LATS2: variants seen among roughly 807,000 people sequenced by gnomAD.
The protein encoded by LATS2 is large tumor suppressor kinase 2.
LATS2 carries 24 observed loss-of-function variants against 76.0 expected under a neutral mutation model. The observed-to-expected ratio is 0.32, with a 90% CI of 0.23 to 0.44. LATS2 has a LOEUF of 0.44. LATS2 is among the 20% of genes least tolerant of loss of function. The probability of loss-of-function intolerance (pLI) is 1.00; values close to 1 mark genes in which losing one functional copy is unlikely to be tolerated. For synonymous variants in LATS2, 692 were observed against 635.4 expected, an observed-to-expected ratio of 1.09 and a Z score of -1.34; for missense variants, 1,286 against 1,481.2, an observed-to-expected ratio of 0.87 and a Z score of 2.16.
rs923359839 is a variant in LATS2 at position 20,998,877 on chromosome 13, G to A, written c.343-7473C>T. On this transcript the variant is annotated intron_variant, in intron 2 of 7. Coordinates refer to ENST00000382592, the MANE Select transcript of LATS2 (RefSeq NM_014572.3). Reference sequence around the variant, plus strand: ...CCTGCGACATTGTCCACGACCTTGTGCACGCGGGGCGGGGGCCCTGGCGAC... The same window carrying A: ...CCTGCGACATTGTCCACGACCTTGTACACGCGGGGCGGGGGCCCTGGCGAC... Among the ~76,000 whole-genome samples the A allele has an allele frequency of 2.0e-5, 3 of 151,544 alleles. No individual in the cohort carries two copies. In the East Asian group the frequency reaches 5.8e-4, roughly 29 times the overall value.
chr13:21,008,454 A>G (rs375928401), intron 2 of LATS2, among the ~76,000 whole-genome samples: 4 of 152,128 alleles, frequency 2.6e-5, no homozygotes, highest in African/African-American at 9.7e-5. Flanking sequence ...TTCTCATAAT[A>G]ACGCTAAATG....
In LATS2 at chr13:20,975,344, C is replaced by T. The variant is rs55652534; in HGVS notation, c.2793G>A (p.Thr931=). ...TQLKVINWEN[T]LHIPAQVKLS... Reference sequence around the variant, plus strand: ...GCTTCACCTGGGCTGGAATGTGGAGCGTGTTCTCCCAGTTGATCACCTGAG... The same window carrying T: ...GCTTCACCTGGGCTGGAATGTGGAGTGTGTTCTCCCAGTTGATCACCTGAG... Residue 931 remains threonine, a synonymous_variant, in exon 8 of 8, where the codon ACG becomes ACA. Transcript: ENST00000382592. 478 of 1,569,098 alleles carry T rather than the reference C, an allele frequency of 3.0e-4. 5 individuals carry two copies. In the African/African-American group the frequency reaches 3.7e-3, roughly 12 times the overall value.
chr13:21,010,421 C>T (rs894822749), intron 2 of LATS2, among the ~76,000 whole-genome samples: 14 of 152,092 alleles, frequency 9.2e-5, no homozygotes, highest in African/African-American at 3.4e-4. Flanking sequence ...CCCCACTCTA[C>T]AGGCCCCACC....
At chr13:20,981,062 TGCACACG>T (rs1869850455) in intron 6 of LATS2, among the ~76,000 whole-genome samples, 1 of 152,330 alleles carries the variant, frequency 6.6e-6, no homozygotes, top group South Asian at 2.1e-4. Flanking sequence ...AGCACCCAGC[TGCACACG>T]GCACAACTCA....
Position 20,978,193 on chromosome 13 carries a change from G to C in LATS2, c.2772+1498C>G, listed in dbSNP as rs554343737. On this transcript the variant is annotated intron_variant, in intron 7 of 7. Transcript: ENST00000382592. The stretch of plus-strand genomic sequence containing the variant: ...GCCTCCCAAAGTGCTGGGATGACAG[G>C]CATGATCCACCACGCCCAACCTTAC... Among the ~76,000 whole-genome samples the C allele has an allele frequency of 1.2e-3, 189 of 152,200 alleles. 1 individual carries two copies. Among genetic ancestry groups the C allele is most frequent in the Non-Finnish European group, 2.2e-3 (152 of 68,010 alleles).
intron 2 of LATS2, among the ~76,000 whole-genome samples, chr13:21,029,290 G>A (rs1872429295): frequency 6.6e-6 from 1 of 152,108 alleles, no homozygotes; most frequent in Non-Finnish European, 1.5e-5. Context: ...AATGGCTGGT[G>A]GATTTTTCTG....
At chr13:21,051,250 G>C (rs1463208773) in intron 1 of LATS2, among the ~76,000 whole-genome samples, 2 of 152,198 alleles carry the variant, frequency 1.3e-5, no homozygotes, top group Non-Finnish European at 2.9e-5. Context: ...ACCCACACAA[G>C]GTGACCCTGT....
At chr13:21,060,689 G>A (rs1873609852) in intron 1 of LATS2, among the ~76,000 whole-genome samples, 1 of 151,626 alleles carries the variant, frequency 6.6e-6, no homozygotes. Context: ...GGGCTGAGGG[G>A]CGGCGCGGCC....
chr13:21,048,630 G>A (rs1443480425), intron 1 of LATS2, among the ~76,000 whole-genome samples: 3 of 151,990 alleles, frequency 2.0e-5, no homozygotes, highest in East Asian at 1.9e-4. Context: ...TCAGGAGTTC[G>A]AGACCAGCCT....
intron 1 of LATS2, among the ~76,000 whole-genome samples, chr13:21,054,506 G>A (rs1021502713): frequency 2.0e-4 from 30 of 152,150 alleles, no homozygotes; most frequent in Non-Finnish European, 3.7e-4. Context: ...AAGTCTCCAC[G>A]TGAAGTCCAA....
chr13:20,973,217 A>G lies in LATS2; in HGVS notation c.*1653T>C, dbSNP rs184788550. 20 of 232,698 alleles carry G rather than the reference A, an allele frequency of 8.6e-5. No homozygotes were observed. The highest frequency in any genetic ancestry group is 1.3e-3 in the Middle Eastern group (1 of 780). The allele number at this position is 232,698 out of a possible 1,614,324, so 14.4% of individuals were successfully genotyped here. On this transcript the variant is annotated 3_prime_UTR_variant, in exon 8 of 8. Coordinates refer to ENST00000382592, the MANE Select transcript of LATS2 (RefSeq NM_014572.3). ...AATAGCGAGAATACTGACAGTCACG[A>G]CGACAGGCACAGCAGACTTGAGTAT...
intron 2 of LATS2, among the ~76,000 whole-genome samples, chr13:21,010,120 A>T (rs1595232496): frequency 6.6e-6 from 1 of 152,236 alleles, no homozygotes; most frequent in African/African-American, 2.4e-5. Flanking sequence ...GAATCGGTTG[A>T]ATCTGGGAGG....
At chr13:20,982,505 T>C (rs1393571740) in intron 5 of LATS2, among the ~76,000 whole-genome samples, 1 of 151,774 alleles carries the variant, frequency 6.6e-6, no homozygotes, top group Non-Finnish European at 1.5e-5. Flanking sequence ...GAGACGGGGT[T>C]TCTCCACGTT....
At chr13:21,031,742 C>A (rs969994317) in intron 2 of LATS2, among the ~76,000 whole-genome samples, 1 of 152,140 alleles carries the variant, frequency 6.6e-6, no homozygotes, top group Non-Finnish European at 1.5e-5. Flanking sequence ...TGCCTGTAGT[C>A]ACAGCCACTT....
chr13:21,008,481 A>G (rs1291454096), intron 2 of LATS2, among the ~76,000 whole-genome samples: 1 of 152,034 alleles, frequency 6.6e-6, no homozygotes, highest in Non-Finnish European at 1.5e-5. Context: ...TTTATGTTTC[A>G]CCAAACCAGG....
chr13:20,988,340 A>AGGCGGG lies in LATS2; in HGVS notation c.1439_1440insCCCGCC (p.Ala480_Ala481insProPro). ...CCTCCTTGGCGTCCAAGCCCTCCGC[A>AGGCGGG]GCCGGGGCGGGGGCGGGGGCGGGGG... On this transcript the variant is annotated inframe_insertion, in exon 4 of 8. Transcript: ENST00000382592. 1.1e-6 allele frequency: 1 copy of AGGCGGG among 907,704 alleles called. No homozygotes were observed. Among genetic ancestry groups the AGGCGGG allele is most frequent in the Non-Finnish European group, 1.5e-6 (1 of 658,070 alleles). 56.2% of individuals were successfully genotyped at this position (907,704 alleles called of 1,614,324 possible).
At chr13:21,004,359 A>G (rs1174756406) in intron 2 of LATS2, among the ~76,000 whole-genome samples, 12 of 148,562 alleles carry the variant, frequency 8.1e-5, no homozygotes, top group African/African-American at 2.7e-4. Context: ...GCTTGAACCC[A>G]GGAGGTGGAG....
At chr13:21,033,339 G>A (rs2138383072) in intron 2 of LATS2, among the ~76,000 whole-genome samples, 1 of 152,024 alleles carries the variant, frequency 6.6e-6, no homozygotes, top group South Asian at 2.1e-4. Flanking sequence ...AACTACCAAG[G>A]AAATCCTGAA....
intron 2 of LATS2, among the ~76,000 whole-genome samples, chr13:21,031,964 TA>T: frequency 6.6e-6 from 1 of 152,338 alleles, no homozygotes; most frequent in Admixed American, 6.5e-5. Flanking sequence ...AAAAATTGTT[TA>T]AAAAACTAAC....
Sources: allele counts gnomAD v4.1 joint callset (sites outside exome capture counted in the v4.1 genomes callset), GRCh38; gene constraint gnomAD v4.1.1; transcripts MANE v1.5; gene names NCBI Gene and HGNC (gene_info 2026-07-23, HGNC 2026-07-21).